Variants in KLF12 observed in about 807,000 individuals in gnomAD.
KLF12 encodes the protein Krueppel-like factor 12.
Under a neutral mutation model 37.8 loss-of-function variants are expected in KLF12, and 9 were observed. That is an observed-to-expected ratio of 0.24 (90% CI 0.14 to 0.42). The LOEUF is 0.42. Ranked by LOEUF, KLF12 falls within the 10% of genes least tolerant of loss-of-function variation. The pLI is 1.00. For missense variants in KLF12, 411 were observed against 516.0 expected (o/e 0.80, Z 1.97); for synonymous variants, 208 against 202.1 (o/e 1.03, Z -0.25).
chr13:73,884,551 C>T (rs1471485977), intron 3 of KLF12, among the ~76,000 whole-genome samples: 1 of 152,236 alleles, frequency 6.6e-6, no homozygotes, highest in Non-Finnish European at 1.5e-5. Context: ...AGGAGTCTGT[C>T]AGGACAGAGG....
chr13:73,898,127 C>T (rs546076343), intron 3 of KLF12, among the ~76,000 whole-genome samples: 13 of 152,266 alleles, frequency 8.5e-5, no homozygotes, highest in Non-Finnish European at 1.5e-4. Context: ...GGAGAGATTA[C>T]TTACCTCCAA....
At chr13:73,877,151 C>T (rs1886748012) in intron 3 of KLF12, among the ~76,000 whole-genome samples, 1 of 151,918 alleles carries the variant, frequency 6.6e-6, no homozygotes, top group Admixed American at 6.6e-5. Context: ...TTTTTTTAAA[C>T]AAGTATAATT....
chr13:74,006,117 T>C (rs148656235), intron 1 of KLF12, among the ~76,000 whole-genome samples: 80 of 152,306 alleles, frequency 5.3e-4, no homozygotes, highest in East Asian at 1.9e-4. Context: ...ATTTCTGTCA[T>C]TGCTCAGACA....
chr13:74,118,344 T>C (rs1477809266), intron 1 of KLF12, among the ~76,000 whole-genome samples: 1 of 152,248 alleles, frequency 6.6e-6, no homozygotes, highest in Non-Finnish European at 1.5e-5. Context: ...GTCTATGATT[T>C]AGTCAACCTT....
intron 6 of KLF12, among the ~76,000 whole-genome samples, chr13:73,762,493 T>C (rs1879629741): frequency 6.6e-6 from 1 of 152,186 alleles, no homozygotes; most frequent in South Asian, 2.1e-4. Flanking sequence ...TAGTGTTAAG[T>C]TGGAGGCTTT....
intron 6 of KLF12, among the ~76,000 whole-genome samples, chr13:73,744,126 C>T (rs1412454488): frequency 6.6e-6 from 1 of 152,172 alleles, no homozygotes; most frequent in African/African-American, 2.4e-5. Flanking sequence ...AAGTTAAATA[C>T]CGCTGTTAAG....
At chr13:74,045,851 C>T (rs1007066434) in intron 1 of KLF12, among the ~76,000 whole-genome samples, 10 of 152,184 alleles carry the variant, frequency 6.6e-5, no homozygotes, top group Non-Finnish European at 8.8e-5. Context: ...TCCTGCCCTG[C>T]GCTCCAAGCT....
upstream of KLF12, among the ~76,000 whole-genome samples, chr13:74,135,923 C>A (rs1878539999): frequency 6.6e-6 from 1 of 152,186 alleles, no homozygotes; most frequent in Non-Finnish European, 1.5e-5. Flanking sequence ...CCAGCCACTT[C>A]AGGCGCGGTG....
chr13:74,053,913 A>G (rs1403661319), intron 1 of KLF12, among the ~76,000 whole-genome samples: 3 of 152,214 alleles, frequency 2.0e-5, no homozygotes, highest in Non-Finnish European at 4.4e-5. Context: ...TAAAAGAACT[A>G]AGGATAAATT....
At chr13:73,926,279 AACC>A (rs1889371943) in intron 3 of KLF12, among the ~76,000 whole-genome samples, 1 of 152,194 alleles carries the variant, frequency 6.6e-6, no homozygotes, top group African/African-American at 2.4e-5. Context: ...CAACCTCAGC[AACC>A]ACCACCTTGA....
intron 3 of KLF12, among the ~76,000 whole-genome samples, chr13:73,940,226 C>A (rs554367470): frequency 6.6e-6 from 1 of 152,160 alleles, no homozygotes. Context: ...GCAGGACGCA[C>A]GCACCAAAGT....
intron 1 of KLF12, among the ~76,000 whole-genome samples, chr13:74,022,685 T>C (rs116780318): frequency 0.05 from 7,255 of 146,520 alleles, 268 homozygotes; most frequent in African/African-American, 0.1. Flanking sequence ...AAAAAAAAAA[T>C]TGACCCCCTC....
chr13:74,304,586 G>T, the KLF12 span, among the ~76,000 whole-genome samples: 2 of 152,126 alleles, frequency 1.3e-5, no homozygotes, highest in Non-Finnish European at 2.9e-5. Context: ...TGGCATTGCA[G>T]TTATTAATTT....
At chr13:73,883,552 C>A (rs9573322) in intron 3 of KLF12, among the ~76,000 whole-genome samples, 119,043 of 152,078 alleles carry the variant, frequency 0.78, 46,769 homozygotes, top group East Asian at 0.9. Flanking sequence ...CTGACCTGAA[C>A]CTGATTTCAG....
At chr13:74,089,214 T>C (rs1166348322) in intron 1 of KLF12, among the ~76,000 whole-genome samples, 3 of 152,112 alleles carry the variant, frequency 2.0e-5, no homozygotes, top group African/African-American at 7.2e-5. Context: ...CAAGGAAAAC[T>C]TCCACCCGCC....
chr13:73,905,515 TGCC>T (rs1888240269), intron 3 of KLF12, among the ~76,000 whole-genome samples: 1 of 151,960 alleles, frequency 6.6e-6, no homozygotes, highest in Non-Finnish European at 1.5e-5. Flanking sequence ...CTTGTTCTCT[TGCC>T]ATTGTTAATT....
the KLF12 span, among the ~76,000 whole-genome samples, chr13:74,275,802 CTTTCCTTCT>C: frequency 0.022 from 2,260 of 102,436 alleles, 33 homozygotes; most frequent in African/African-American, 0.04. Flanking sequence ...TTCTTTCTTT[CTTTCCTTCT>C]TTCTTTCTTT....
Position 74,122,004 on chromosome 13 carries a change from A to G in KLF12, c.-32+11735T>C, listed in dbSNP as rs566854225. Among the ~76,000 whole-genome samples, 82 of 152,206 alleles carry G rather than the reference A, an allele frequency of 5.4e-4. No individual in the cohort carries two copies. In the East Asian group the frequency reaches 6.7e-3, roughly 13 times the overall value. On this transcript the variant is annotated intron_variant, in intron 1 of 7. Transcript: ENST00000377669. ...TAGATTAAAGACAAAAATGGGGGGG[A>G]AAATTAAATCTAGTGAGGAGATTAC...
the KLF12 span, among the ~76,000 whole-genome samples, chr13:74,167,757 C>T: frequency 6.6e-6 from 1 of 152,194 alleles, no homozygotes; most frequent in South Asian, 2.1e-4. Flanking sequence ...CTGATGTCTA[C>T]ATCGTAAAAT....
Sources: allele counts gnomAD v4.1 joint callset (sites outside exome capture counted in the v4.1 genomes callset), GRCh38; gene constraint gnomAD v4.1.1; transcripts MANE v1.5; gene names NCBI Gene and HGNC (gene_info 2026-07-23, HGNC 2026-07-21).